Variants in SDHD observed in about 807,000 individuals in gnomAD.
The protein encoded by SDHD is succinate dehydrogenase complex subunit D, also known as succinate dehydrogenase [ubiquinone] cytochrome b small subunit, mitochondrial.
A neutral mutation model predicts 18.7 loss-of-function variants in SDHD; 6 were observed. The observed-to-expected ratio is 0.32, with a 90% CI of 0.18 to 0.63. SDHD has a LOEUF of 0.63. SDHD is among the 30% of genes least tolerant of loss of function. The probability of loss-of-function intolerance (pLI) is 0.79; values close to 1 mark genes in which losing one functional copy is unlikely to be tolerated. For missense variants in SDHD, 160 were observed against 192.7 expected, an observed-to-expected ratio of 0.83 and a Z score of 1.00; for synonymous variants, 56 against 73.9, an observed-to-expected ratio of 0.76 and a Z score of 1.24.
At chr11:112,088,019 TACCTTC>T in intron 2 of SDHD, 46 bp downstream of exon 2, 2 of 1,276,424 alleles carry the variant, frequency 1.6e-6, no homozygotes, top group Non-Finnish European at 2.3e-6. Context: ...TAGCCATCTT[TACCTTC>T]ACTAATGGTC....
At chr11:112,094,661 G>A in intron 3 of SDHD, 144 bp from the exon 4 acceptor site, 5 of 708,512 alleles carry the variant, frequency 7.1e-6, no homozygotes, top group Non-Finnish European at 1.2e-5. Flanking sequence ...ATCCCCTAAA[G>A]AAGCAAACAG....
At chr11:112,088,208 C>CT (rs11315004) in intron 2 of SDHD, 393 of 523,698 alleles carry the variant, frequency 7.5e-4, no homozygotes, top group Middle Eastern at 1.1e-3. Flanking sequence ...CTTTTGTTTT[C>CT]TTTTTTTTTG....
At chr11:112,093,779 C>G (rs919998875) in intron 3 of SDHD, among the ~76,000 whole-genome samples, 1 of 152,152 alleles carries the variant, frequency 6.6e-6, no homozygotes, top group African/African-American at 2.4e-5. Flanking sequence ...CCACACAAAT[C>G]TTACTATTCA....
In SDHD at chr11:112,087,897, C is replaced by G. The variant is rs766096986; in HGVS notation, c.93C>G (p.Ile31Met). 1.2e-6 allele frequency: 2 copies of G among 1,613,920 alleles called. No homozygotes were observed. Among genetic ancestry groups the G allele is most frequent in the East Asian group, 4.5e-5 (2 of 44,886 alleles). The change falls in exon 2 of 4, where the codon ATC (isoleucine) becomes ATG (methionine). Residue 31 changes from isoleucine to methionine, a missense_variant. Transcript: ENST00000375549. ...LRTPVVRPAHISAFLQDRPIP... is the reference protein window; with the variant it reads ...LRTPVVRPAHMSAFLQDRPIP... Reference sequence around the variant, plus strand: ...CTCCAGTGGTCAGACCTGCTCATATCTCAGCATTTCTTCAGGACCGACCTA... The same window carrying G: ...CTCCAGTGGTCAGACCTGCTCATATGTCAGCATTTCTTCAGGACCGACCTA...
chr11:112,094,140 C>T (rs1240097690), intron 3 of SDHD, among the ~76,000 whole-genome samples: 2 of 152,154 alleles, frequency 1.3e-5, no homozygotes, highest in Non-Finnish European at 2.9e-5. Flanking sequence ...TAGCTCACGC[C>T]TGTAGTCCCA....
At chr11:112,093,027 C>CTTTTT (rs1161641648) in intron 3 of SDHD, 26 of 135,690 alleles carry the variant, frequency 1.9e-4, no homozygotes, top group African/African-American at 4.1e-4. Context: ...TATTGTATGG[C>CTTTTT]TTTTTTTTTT....
chr11:112,087,861 G>A lies in SDHD; in HGVS notation c.57G>A (p.Leu19=), dbSNP rs560625389. The change falls in exon 2 of 4, where the codon CTG becomes CTA. Residue 19 remains leucine, a synonymous_variant. Transcript: ENST00000375549. Reference sequence around the variant, plus strand: ...TCCTAATGACTCTTTCCTCAGCTCTGTTGCTTCGAACTCCAGTGGTCAGAC... The same window carrying A: ...TCCTAATGACTCTTTCCTCAGCTCTATTGCTTCGAACTCCAGTGGTCAGAC... ...AVCGALGGRA[L]LLRTPVVRPA... 1.2e-6 allele frequency: 2 copies of A among 1,608,526 alleles called. No individual in the cohort carries two copies. The highest frequency in any genetic ancestry group is 1.7e-6 in the Non-Finnish European group (2 of 1,175,132).
intron 2 of SDHD, 129 bp from the exon 3 acceptor site, chr11:112,088,738 T>C (rs1211707564): frequency 2.0e-6 from 2 of 1,010,570 alleles, no homozygotes; most frequent in Non-Finnish European, 1.6e-6. Flanking sequence ...GATATTTTAC[T>C]TCCTTTGTAC....
At chr11:112,088,652 C>T (rs779988676) in intron 2 of SDHD, 20 of 623,344 alleles carry the variant, frequency 3.2e-5, no homozygotes, top group Non-Finnish European at 4.9e-5. Context: ...ATTGAGATAC[C>T]CTTGTGCTAA....
intron 3 of SDHD, among the ~76,000 whole-genome samples, chr11:112,094,137 C>T (rs557995264): frequency 1.4e-3 from 211 of 152,258 alleles, no homozygotes; most frequent in African/African-American, 3.8e-3. Context: ...CAGTAGCTCA[C>T]GCCTGTAGTC....
Position 112,095,724 on chromosome 11 carries a change from G to GA in SDHD, c.*758dup, listed in dbSNP as rs1406280719. On this transcript the variant is annotated 3_prime_UTR_variant, in exon 4 of 4. Transcript: ENST00000375549. ...TTCGCACAATGGGAATCTCTAATGTGAAAATGTATTCTATGAAAATAATTT... is the reference window on the plus strand; with the variant it reads ...TTCGCACAATGGGAATCTCTAATGTGAAAAATGTATTCTATGAAAATAATTT... 9.2e-6 allele frequency: 2 copies of GA among 216,856 alleles called. No homozygotes were observed. The highest frequency in any genetic ancestry group is 4.5e-5 in the African/African-American group (2 of 44,406). The allele number at this position is 216,856 out of a possible 1,614,324, so 13.4% of individuals were successfully genotyped here. A position where few individuals can be genotyped will look rare whatever the true frequency, so the allele number is the denominator to read the frequency against.
chr11:112,092,556 A>G (rs1051527225), intron 3 of SDHD, among the ~76,000 whole-genome samples: 1 of 152,224 alleles, frequency 6.6e-6, no homozygotes. Context: ...ATGCAAATCA[A>G]CACCACAATG....
chr11:112,089,649 C>T (rs1865707988), intron 3 of SDHD, among the ~76,000 whole-genome samples: 2 of 106,330 alleles, frequency 1.9e-5, no homozygotes, highest in African/African-American at 2.6e-5. Context: ...CTCAGGGCTT[C>T]TCTTACTGCT....
At chr11:112,088,773 C>T (rs772241591) in intron 2 of SDHD, 94 bp from the exon 3 acceptor site, 2 of 1,332,964 alleles carry the variant, frequency 1.5e-6, no homozygotes, top group Non-Finnish European at 2.2e-6. Context: ...TATATGTACA[C>T]TGCCTGTCAG....
chr11:112,087,830 T>C (rs200974636), intron 1 of SDHD, 27 bp from the exon 2 acceptor site: 27 of 1,462,790 alleles, frequency 1.8e-5, no homozygotes, highest in Admixed American at 3.3e-5. Context: ...GAGGTTCTTA[T>C]GATCATCCTA....
At chr11:112,088,259 G>T in intron 2 of SDHD, 2 of 407,734 alleles carry the variant, frequency 4.9e-6, no homozygotes, top group Non-Finnish European at 9.3e-6. Context: ...GAGTGCAGTG[G>T]TGCGATCTCG....
At chr11:112,090,255 T>G (rs1865719535) in intron 3 of SDHD, among the ~76,000 whole-genome samples, 1 of 152,114 alleles carries the variant, frequency 6.6e-6, no homozygotes, top group South Asian at 2.1e-4. Context: ...ATTACAGGCG[T>G]GCACCACCAC....
chr11:112,091,455 A>T (rs1168958240), intron 3 of SDHD, among the ~76,000 whole-genome samples: 1 of 152,182 alleles, frequency 6.6e-6, no homozygotes, highest in Admixed American at 6.5e-5. Context: ...CCTCGAGATG[A>T]CAAAATCTCC....
intron 2 of SDHD, 42 bp from the exon 3 acceptor site, chr11:112,088,825 T>C: frequency 6.2e-7 from 1 of 1,609,884 alleles, no homozygotes; most frequent in Non-Finnish European, 8.5e-7. Context: ...GAAAGATGTG[T>C]GTTTCTCACA....
Sources: gnomAD v4.1 joint callset for allele counts (sites outside exome capture counted in the v4.1 genomes callset) on GRCh38, gnomAD v4.1.1 for gene constraint, MANE v1.5 for transcripts, NCBI Gene and HGNC (gene_info 2026-07-23, HGNC 2026-07-21) for gene names.